Variants in SUSD1 observed in about 807,000 individuals in gnomAD.
The protein encoded by SUSD1 is sushi domain-containing protein 1.
In SUSD1, 65 loss-of-function variants were observed where a neutral mutation model predicts 86.9. The ratio of observed to expected loss-of-function variants is 0.75; its 90% CI spans 0.61 to 0.92. SUSD1 has a LOEUF of 0.92. Ranked by LOEUF, SUSD1 falls within the 40% of genes least tolerant of loss-of-function variation. The pLI, the probability that SUSD1 is intolerant of heterozygous loss-of-function variation, is 0.00. For missense variants in SUSD1, 850 were observed against 929.7 expected, an observed-to-expected ratio of 0.91 and a Z score of 1.11; for synonymous variants, 346 against 350.0, an observed-to-expected ratio of 0.99 and a Z score of 0.13.
At chr9:112,082,217 A>G (rs973402605) in intron 10 of SUSD1, among the ~76,000 whole-genome samples, 7 of 152,272 alleles carry the variant, frequency 4.6e-5, no homozygotes, top group East Asian at 1.9e-4. Flanking sequence ...CTGTTTGAAA[A>G]TAACAGAAAG....
chr9:112,067,080 T>C (rs924391525), intron 12 of SUSD1, among the ~76,000 whole-genome samples: 2 of 152,218 alleles, frequency 1.3e-5, no homozygotes, highest in Non-Finnish European at 2.9e-5. Flanking sequence ...TTTCACCATG[T>C]TGGCCAGGCT....
At chr9:112,124,204 T>G in intron 6 of SUSD1, 53 bp downstream of exon 6, 1 of 1,548,854 alleles carries the variant, frequency 6.5e-7, no homozygotes, top group South Asian at 1.2e-5. Context: ...GGCCCTCGGC[T>G]CCCACTGGCT....
At chr9:112,145,278 CTTT>C (rs1262953487) in intron 3 of SUSD1, among the ~76,000 whole-genome samples, 30,901 of 106,726 alleles carry the variant, frequency 0.29, 3,376 homozygotes, top group African/African-American at 0.38. Context: ...CCATAATTTC[CTTT>C]TTTTTTTTTT....
At chr9:112,129,658 C>T (rs1831930548) in intron 5 of SUSD1, among the ~76,000 whole-genome samples, 1 of 152,112 alleles carries the variant, frequency 6.6e-6, no homozygotes. Context: ...GTTCATATGA[C>T]CTTTATTTCC....
chr9:112,084,578 C>G (rs1829898520), intron 10 of SUSD1, among the ~76,000 whole-genome samples: 1 of 152,176 alleles, frequency 6.6e-6, no homozygotes, highest in Non-Finnish European at 1.5e-5. Flanking sequence ...CATTCTCACT[C>G]TAGGTTCGCT....
intron 10 of SUSD1, 49 bp from the exon 11 acceptor site, chr9:112,080,214 T>TG: frequency 7.2e-7 from 1 of 1,379,692 alleles, no homozygotes; most frequent in South Asian, 1.2e-5. Context: ...ATAGAAAAAA[T>TG]GCTACCTTTT....
chr9:112,053,540 C>CAAAA (rs1828318957), intron 14 of SUSD1, among the ~76,000 whole-genome samples: 1 of 121,338 alleles, frequency 8.2e-6, no homozygotes, highest in African/African-American at 3.5e-5. Context: ...AAAAAAAAAT[C>CAAAA]TGAGAAAAGC....
In SUSD1 at chr9:112,058,602, G is replaced by A. The variant is rs372845796; in HGVS notation, c.1935C>T (p.Asn645=). Residue 645 remains asparagine, a synonymous_variant, in exon 14 of 17, where the codon AAC becomes AAT. Transcript: ENST00000374270. The part of the protein sequence containing the change: ...DSEGASSFFS[N]ASDADGYVAA... The stretch of plus-strand genomic sequence containing the variant: ...CCACGTATCCATCAGCATCAGAGGC[G>A]TTGCTAAAGAAGGAGGAAGCGCCTT... 5.9e-5 allele frequency: 96 copies of A among 1,614,036 alleles called. No individual in the cohort carries two copies. The highest frequency in any genetic ancestry group is 3.6e-4 in the East Asian group (16 of 44,900).
intron 10 of SUSD1, among the ~76,000 whole-genome samples, chr9:112,081,795 G>C (rs3849118): frequency 6.6e-6 from 1 of 152,134 alleles, no homozygotes; most frequent in Non-Finnish European, 1.5e-5. Flanking sequence ...AATACACTAC[G>C]ACCAAAGATT....
Position 112,086,306 on chromosome 9 carries a change from C to CAA in SUSD1, c.1475-6143_1475-6142dup, listed in dbSNP as rs34768628. Among the ~76,000 whole-genome samples the CAA allele has an allele frequency of 2.5e-3, 220 of 89,692 alleles. 1 individual carries two copies. The highest frequency in any genetic ancestry group is 6.2e-3 in the African/African-American group (148 of 23,866). 58.8% of individuals were successfully genotyped at this position (89,692 alleles called of 152,430 possible). ...TGGGTGACAGAGCGAGACCTTGCCTCAAAAAAAAAAAAAAAAAAATCTGTT... is the reference window on the plus strand; with the variant it reads ...TGGGTGACAGAGCGAGACCTTGCCTCAAAAAAAAAAAAAAAAAAAAATCTGTT... On this transcript the variant is annotated intron_variant, in intron 10 of 16. Transcript: ENST00000374270.
At position 112,143,685 on chromosome 9, in the gene SUSD1, G is replaced by A. The variant is rs1016975375; in HGVS notation, c.374-62C>T. On this transcript the variant is annotated intron_variant, in intron 3 of 16. Coordinates refer to ENST00000374270, the MANE Select transcript of SUSD1 (RefSeq NM_022486.5). ...AACAGAAAAAAGAAAAAAAAAAGGAGAGGATATTGTGACAGCCATTTTTTC... is the reference window on the plus strand; with the variant it reads ...AACAGAAAAAAGAAAAAAAAAAGGAAAGGATATTGTGACAGCCATTTTTTC... The A allele has an allele frequency of 4.0e-6, 6 of 1,504,850 alleles. No individual in the cohort carries two copies. The Admixed American group carries it at 6.7e-5, about 17-fold the overall frequency. The allele number at this position is 1,504,850 out of a possible 1,614,324, so 93.2% of individuals were successfully genotyped here.
chr9:112,156,836 G>A (rs1833349826), intron 2 of SUSD1, among the ~76,000 whole-genome samples: 1 of 152,168 alleles, frequency 6.6e-6, no homozygotes, highest in Non-Finnish European at 1.5e-5. Context: ...GTTGCTGGGA[G>A]GAAATTGGAA....
intron 2 of SUSD1, among the ~76,000 whole-genome samples, chr9:112,156,260 G>A (rs533058316): frequency 6.6e-6 from 1 of 151,846 alleles, no homozygotes; most frequent in East Asian, 1.9e-4. Context: ...TCAGGAGTTC[G>A]AGACCAGCCT....
chr9:112,154,657 C>T (rs1056985882), intron 2 of SUSD1, among the ~76,000 whole-genome samples: 4 of 152,156 alleles, frequency 2.6e-5, no homozygotes, highest in Non-Finnish European at 5.9e-5. Flanking sequence ...AGAAACAAGT[C>T]CAGCTGTCCA....
At position 112,165,885 on chromosome 9, in the gene SUSD1, A is replaced by AAAAG. The variant is rs149320406; in HGVS notation, c.104-8276_104-8273dup. Among the ~76,000 whole-genome samples, 13 of 104,360 alleles carry AAAAG rather than the reference A, an allele frequency of 1.2e-4. No homozygotes were observed. The East Asian group carries it at 2.0e-3, about 16-fold the overall frequency. The allele number at this position is 104,360 out of a possible 152,430, so 68.5% of individuals were successfully genotyped here. A position where few individuals can be genotyped will look rare whatever the true frequency, so the allele number is the denominator to read the frequency against. ...AGGAAGGAAGGAAGAAAGAGAAAGAAAAAGAAAGAAAGAAAGGAAGGAAGG... is the reference window on the plus strand; with the variant it reads ...AGGAAGGAAGGAAGAAAGAGAAAGAAAAAGAAAGAAAGAAAGAAAGGAAGGAAGG... On this transcript the variant is annotated intron_variant, in intron 1 of 16. Transcript: ENST00000374270.
intron 10 of SUSD1, among the ~76,000 whole-genome samples, chr9:112,098,104 C>T (rs1245636840): frequency 6.6e-6 from 1 of 152,128 alleles, no homozygotes; most frequent in Non-Finnish European, 1.5e-5. Flanking sequence ...ACTGTGGGAC[C>T]CACGTTTCTG....
chr9:112,042,198 A>C (rs1827771263), intron 15 of SUSD1: 1 of 1,528,858 alleles, frequency 6.5e-7, no homozygotes, highest in Non-Finnish European at 8.8e-7. Flanking sequence ...GACCATGTTA[A>C]AGTTACAAGG....
At chr9:112,110,466 A>C (rs35410664) in intron 8 of SUSD1, among the ~76,000 whole-genome samples, 21,179 of 149,650 alleles carry the variant, frequency 0.14, 1,872 homozygotes, top group East Asian at 0.29. Context: ...GCATGATCAT[A>C]GCTCACTGCA....
At chr9:112,117,140 T>C (rs1426749454) in intron 6 of SUSD1, among the ~76,000 whole-genome samples, 1 of 152,150 alleles carries the variant, frequency 6.6e-6, no homozygotes, top group Non-Finnish European at 1.5e-5. Context: ...ACTCTGTCCC[T>C]AAAAAATAAA....
Sources: gnomAD v4.1 joint callset for allele counts (sites outside exome capture counted in the v4.1 genomes callset) on GRCh38, gnomAD v4.1.1 for gene constraint, MANE v1.5 for transcripts, NCBI Gene and HGNC (gene_info 2026-07-23, HGNC 2026-07-21) for gene names.